The following CACNA2D2 variants were observed in gnomAD, a reference collection of about 807,000 sequenced individuals.
CACNA2D2 encodes calcium voltage-gated channel auxiliary subunit alpha2delta 2, also known as voltage-dependent calcium channel subunit alpha-2/delta-2.
A neutral mutation model predicts 166.4 loss-of-function variants in CACNA2D2; 48 were observed. The ratio of observed to expected loss-of-function variants is 0.29; its 90% CI spans 0.23 to 0.37. The LOEUF is 0.37. Among genes scored for constraint, CACNA2D2 ranks in the 10% least tolerant of loss-of-function variants. The pLI, the probability that CACNA2D2 is intolerant of heterozygous loss-of-function variation, is 1.00. For missense variants in CACNA2D2, 1,122 were observed against 1,433.0 expected (o/e 0.78, Z 3.50); for synonymous variants, 561 against 573.7 (o/e 0.98, Z 0.32).
intron 2 of CACNA2D2, among the ~76,000 whole-genome samples, chr3:50,475,176 G>A (rs1158989608): frequency 1.3e-5 from 2 of 152,000 alleles, no homozygotes; most frequent in Non-Finnish European, 2.9e-5. Context: ...AACCCCTACG[G>A]TCCCTGCCCC....
At chr3:50,395,317 A>G (rs970107924) in intron 3 of CACNA2D2, among the ~76,000 whole-genome samples, 1 of 152,146 alleles carries the variant, frequency 6.6e-6, no homozygotes, top group African/African-American at 2.4e-5. Context: ...AGCCTGCCCA[A>G]GGTCACATGG....
In CACNA2D2 at chr3:50,376,976, G is replaced by T. The variant is rs1333044572; in HGVS notation, c.1626+491C>A. ...CATCCCCTCCTTTCCTTTCTGCCTG[G>T]GACACTCCTGCCTATGTGCATGGGC... On this transcript the variant is annotated intron_variant, in intron 17 of 37. Coordinates refer to ENST00000424201, the MANE Select transcript of CACNA2D2 (RefSeq NM_006030.4). This position sits in a 1 kb window ranked among gnomAD's most constrained non-coding sequence, Gnocchi z 4.3. Among the ~76,000 whole-genome samples the T allele has an allele frequency of 2.0e-5, 3 of 152,156 alleles. No individual in the cohort carries two copies. Among genetic ancestry groups the T allele is most frequent in the Non-Finnish European group, 4.4e-5 (3 of 68,036 alleles).
intron 1 of CACNA2D2, 127 bp downstream of exon 1, chr3:50,503,091 G>T: frequency 2.3e-6 from 1 of 439,182 alleles, no homozygotes; most frequent in Admixed American, 5.2e-5. Context: ...TCGCCCCCGG[G>T]CGCAGCGGGC....
At position 50,375,498 on chromosome 3, in the gene CACNA2D2, T is replaced by C; in HGVS notation, c.1907+146A>G. 1 of 767,004 alleles carries C rather than the reference T, an allele frequency of 1.3e-6. No individual in the cohort carries two copies. Among genetic ancestry groups the C allele is most frequent in the Non-Finnish European group, 2.1e-6 (1 of 471,662 alleles). The allele number at this position is 767,004 out of a possible 1,614,324, so 47.5% of individuals were successfully genotyped here. A position where few individuals can be genotyped will look rare whatever the true frequency, so the allele number is the denominator to read the frequency against. Reference sequence around the variant, plus strand: ...AAAGCCAGGGAGTCTCTTGGCAGACTAAGCATCTCAGGGTGAGTAGTGAGC... The same window carrying C: ...AAAGCCAGGGAGTCTCTTGGCAGACCAAGCATCTCAGGGTGAGTAGTGAGC... On this transcript the variant is annotated intron_variant, in intron 21 of 37. Transcript: ENST00000424201. This position sits in a 1 kb window ranked among gnomAD's most constrained non-coding sequence, Gnocchi z 4.0.
intron 3 of CACNA2D2, among the ~76,000 whole-genome samples, chr3:50,403,649 G>A (rs548091974): frequency 2.0e-5 from 3 of 152,218 alleles, no homozygotes; most frequent in East Asian, 1.9e-4. Flanking sequence ...TGTGTTTCCC[G>A]GATGCCTGGA....
intron 3 of CACNA2D2, among the ~76,000 whole-genome samples, chr3:50,419,517 G>A (rs1470993399): frequency 6.6e-6 from 1 of 152,304 alleles, no homozygotes; most frequent in Middle Eastern, 3.4e-3. Flanking sequence ...CTCACTTGAT[G>A]AATAACCCTG....
chr3:50,450,410 C>G (rs1283162407), intron 2 of CACNA2D2, among the ~76,000 whole-genome samples: 1 of 151,496 alleles, frequency 6.6e-6, no homozygotes, highest in African/African-American at 2.4e-5. Flanking sequence ...CTGCTAATTC[C>G]TCGCCAGAAC....
rs12495808 is a variant in CACNA2D2, at chr3:50,488,188, G to A, written c.207-11989C>T. Among the ~76,000 whole-genome samples, 978 of 152,270 alleles carry A rather than the reference G, an allele frequency of 6.4e-3. 33 individuals carry two copies. Among genetic ancestry groups the A allele is most frequent in the Admixed American group, 0.058 (891 of 15,290 alleles). Reference sequence around the variant, plus strand: ...TGGGCTCCACACACAGTGATGCCCCGTGAGCACCCACAGACCGACCGTGGG... The same window carrying A: ...TGGGCTCCACACACAGTGATGCCCCATGAGCACCCACAGACCGACCGTGGG... On this transcript the variant is annotated intron_variant, in intron 1 of 37. Transcript: ENST00000424201.
chr3:50,423,639 G>C (rs1707674249), intron 3 of CACNA2D2, among the ~76,000 whole-genome samples: 2 of 152,272 alleles, frequency 1.3e-5, no homozygotes, highest in South Asian at 4.1e-4. Context: ...TGCCCTAGCT[G>C]ATCTCCGTAA....
intron 2 of CACNA2D2, among the ~76,000 whole-genome samples, chr3:50,473,385 T>A (rs1710180601): frequency 6.6e-6 from 1 of 152,184 alleles, no homozygotes; most frequent in Non-Finnish European, 1.5e-5. Context: ...GGGCAGCCTC[T>A]AGGATGGAGG....
intron 22 of CACNA2D2, among the ~76,000 whole-genome samples, chr3:50,371,536 T>A (rs1704655866): frequency 6.6e-6 from 1 of 152,176 alleles, no homozygotes; most frequent in South Asian, 2.1e-4. Flanking sequence ...TGGTCCACCT[T>A]CTTAGCCTGT....
intron 2 of CACNA2D2, among the ~76,000 whole-genome samples, chr3:50,473,954 A>G (rs1385176333): frequency 1.3e-5 from 2 of 152,228 alleles, no homozygotes; most frequent in Non-Finnish European, 2.9e-5. Flanking sequence ...GAGTGCCAGG[A>G]GAAGCCGGGG....
intron 1 of CACNA2D2, among the ~76,000 whole-genome samples, chr3:50,489,994 C>G (rs1374165418): frequency 2.0e-5 from 3 of 152,202 alleles, no homozygotes; most frequent in African/African-American, 7.2e-5. Context: ...AGAGCCCACT[C>G]AGGGCAACAC....
chr3:50,459,389 A>C (rs1329258440), intron 2 of CACNA2D2, among the ~76,000 whole-genome samples: 7 of 152,122 alleles, frequency 4.6e-5, no homozygotes, highest in Admixed American at 2.6e-4. Flanking sequence ...CTCTCTTTAA[A>C]TGCTCACTAC....
chr3:50,462,054 G>A (rs1709611863), intron 2 of CACNA2D2, among the ~76,000 whole-genome samples: 1 of 152,140 alleles, frequency 6.6e-6, no homozygotes, highest in African/African-American at 2.4e-5. Context: ...GGAGTTGGGG[G>A]CAGAGTGAGT....
intron 2 of CACNA2D2, among the ~76,000 whole-genome samples, chr3:50,437,770 A>G (rs1474806840): frequency 2.6e-5 from 4 of 152,104 alleles, no homozygotes; most frequent in Admixed American, 6.5e-5. Context: ...GCCCAAGACT[A>G]GCCCCACTCC....
At chr3:50,373,465 A>G (rs1012012931) in intron 22 of CACNA2D2, among the ~76,000 whole-genome samples, 1 of 120,820 alleles carries the variant, frequency 8.3e-6, no homozygotes, top group Non-Finnish European at 1.7e-5. Flanking sequence ...AGCCACAGGC[A>G]GAGGAGTGGG....
At chr3:50,372,736 T>C (rs1575593032) in intron 22 of CACNA2D2, among the ~76,000 whole-genome samples, 1 of 152,018 alleles carries the variant, frequency 6.6e-6, no homozygotes, top group African/African-American at 2.4e-5. Context: ...GTCCAGACTG[T>C]CCCTACTGTT....
chr3:50,495,980 T>G, intron 1 of CACNA2D2, among the ~76,000 whole-genome samples: 1 of 152,264 alleles, frequency 6.6e-6, no homozygotes, highest in East Asian at 1.9e-4. Flanking sequence ...CTTTGCAGAC[T>G]GTCATCACGC....
Sources: gnomAD v4.1 joint callset for allele counts (sites outside exome capture counted in the v4.1 genomes callset) on GRCh38, gnomAD v4.1.1 for gene constraint, Gnocchi (gnomAD v3.1) non-coding constraint, MANE v1.5 for transcripts, NCBI Gene and HGNC (gene_info 2026-07-23, HGNC 2026-07-21) for gene names.